IKZF1: variants seen among roughly 807,000 people sequenced by gnomAD.
The protein encoded by IKZF1 is IKAROS family zinc finger 1.
IKZF1 carries 10 observed loss-of-function variants against 51.7 expected under a neutral mutation model. The ratio of observed to expected loss-of-function variants is 0.19; its 90% CI spans 0.12 to 0.33. IKZF1 has a LOEUF of 0.33. Among genes scored for constraint, IKZF1 ranks in the 10% least tolerant of loss-of-function variants. IKZF1 has a pLI of 1.00. For missense variants in IKZF1, 484 were observed against 707.5 expected, an observed-to-expected ratio of 0.68 and a Z score of 3.58; for synonymous variants, 280 against 282.3, an observed-to-expected ratio of 0.99 and a Z score of 0.08.
intron 5 of IKZF1, among the ~76,000 whole-genome samples, chr7:50,386,316 A>G (rs773540926): frequency 6.6e-6 from 1 of 152,264 alleles, no homozygotes; most frequent in East Asian, 1.9e-4. Context: ...CACTAGCCAC[A>G]TGCAGTATTT....
At position 50,400,219 on chromosome 7, in the gene IKZF1, G is replaced by A. The variant is rs1423137944; in HGVS notation, c.1152G>A (p.Ser384=). 1 of 1,594,590 alleles carries A rather than the reference G, an allele frequency of 6.3e-7. No homozygotes were observed. The highest frequency in any genetic ancestry group is 8.5e-7 in the Non-Finnish European group (1 of 1,171,634). ...LLLSKAKLVP[S]EREASPSNSC... The stretch of plus-strand genomic sequence containing the variant: ...TCTCCAAGGCCAAGTTGGTGCCCTC[G>A]GAGCGCGAGGCGTCCCCGAGCAACA... Residue 384 remains serine (S), a synonymous_variant, in exon 8 of 8, where the codon TCG becomes TCA. Transcript: ENST00000331340. This position sits in a 1 kb window ranked among gnomAD's most constrained non-coding sequence, Gnocchi z 5.4.
intron 3 of IKZF1, among the ~76,000 whole-genome samples, chr7:50,330,370 T>C (rs1796184993): frequency 3.3e-5 from 5 of 152,188 alleles, no homozygotes; most frequent in Admixed American, 3.3e-4. Context: ...TTTGGGAGAT[T>C]GAATGCTCCT....
In IKZF1 at chr7:50,327,736, T is replaced by G; in HGVS notation, c.139T>G (p.Ser47Ala). 1.2e-6 allele frequency: 2 copies of G among 1,613,170 alleles called. No homozygotes were observed. Among genetic ancestry groups the G allele is most frequent in the African/African-American group, 2.7e-5 (2 of 75,034 alleles). Reference sequence around the variant, plus strand: ...CACCACCTCGGGAGGACAGCAAAGCTCCAAGAGTGACAGAGTCGTGGGTAA... The same window carrying G: ...CACCACCTCGGGAGGACAGCAAAGCGCCAAGAGTGACAGAGTCGTGGGTAA... ...LSTTSGGQQS[S>A]KSDRVVASNV... Residue 47 changes from serine to alanine, a missense_variant, in exon 3 of 8, where the codon TCC becomes GCC. Ser to Ala is a moderately conservative substitution (Grantham distance 99, BLOSUM62 1). Around this residue, in one of 6 missense-constraint regions of IKZF1, gnomAD observed 118 missense variants for 138.4 expected, o/e 0.85. Coordinates refer to ENST00000331340, the MANE Select transcript of IKZF1 (RefSeq NM_006060.6).
chr7:50,311,558 C>T (rs1319151654), intron 1 of IKZF1, among the ~76,000 whole-genome samples: 1 of 152,166 alleles, frequency 6.6e-6, no homozygotes, highest in East Asian at 1.9e-4. Flanking sequence ...AATAATTTTA[C>T]TTCTTTGGGA....
At chr7:50,333,947 A>C (rs905646018) in intron 3 of IKZF1, among the ~76,000 whole-genome samples, 4 of 152,152 alleles carry the variant, frequency 2.6e-5, no homozygotes, top group Non-Finnish European at 2.9e-5. Context: ...CCTTTTTCAA[A>C]TTTCCCAAAC....
At chr7:50,304,046 G>A (rs1189228265), upstream of IKZF1, 1 of 145,354 alleles carries the variant, frequency 6.9e-6, no homozygotes, top group Non-Finnish European at 1.5e-5. Context: ...GTGCGCGCGG[G>A]GGTGGCGGCG....
chr7:50,330,421 A>C (rs972512865), intron 3 of IKZF1, among the ~76,000 whole-genome samples: 1 of 152,188 alleles, frequency 6.6e-6, no homozygotes, highest in African/African-American at 2.4e-5. Flanking sequence ...GTTACTGTAA[A>C]GAAAGCAAAA....
intron 1 of IKZF1, chr7:50,318,270 G>A (rs985477733): frequency 2.6e-5 from 6 of 231,436 alleles, no homozygotes; most frequent in African/African-American, 1.3e-4. Flanking sequence ...TCATCGAAGG[G>A]CAGCATCTTC....
chr7:50,339,626 T>G (rs1798612406), intron 3 of IKZF1, among the ~76,000 whole-genome samples: 1 of 151,952 alleles, frequency 6.6e-6, no homozygotes. Context: ...TGGTGGCGTG[T>G]GCCTGTAGTC....
intron 3 of IKZF1, among the ~76,000 whole-genome samples, chr7:50,340,305 C>T (rs1798776858): frequency 1.3e-5 from 2 of 152,190 alleles, no homozygotes; most frequent in Non-Finnish European, 1.5e-5. Flanking sequence ...GGTGTGTCTC[C>T]GCAAGGCCTG....
intron 3 of IKZF1, among the ~76,000 whole-genome samples, chr7:50,347,131 T>G (rs540549708): frequency 6.6e-6 from 1 of 152,318 alleles, no homozygotes; most frequent in African/African-American, 2.4e-5. Context: ...TTAAGATCTT[T>G]TGGAAATACT....
intron 3 of IKZF1, among the ~76,000 whole-genome samples, chr7:50,360,597 C>T (rs1804908634): frequency 6.6e-6 from 1 of 152,222 alleles, no homozygotes; most frequent in South Asian, 2.1e-4. Context: ...TAACCTGTTG[C>T]TTCTGTAAGA....
intron 4 of IKZF1, among the ~76,000 whole-genome samples, chr7:50,379,416 G>A (rs1047987614): frequency 3.9e-5 from 6 of 152,186 alleles, no homozygotes; most frequent in African/African-American, 1.4e-4. Flanking sequence ...AAGTACCACT[G>A]GCGCCATTTT....
chr7:50,387,016 G>C (rs926069901), intron 5 of IKZF1, among the ~76,000 whole-genome samples: 1 of 152,134 alleles, frequency 6.6e-6, no homozygotes, highest in Non-Finnish European at 1.5e-5. Context: ...CTGTCCAGTC[G>C]CTGGCATCCA....
chr7:50,342,167 T>C (rs1252871030), intron 3 of IKZF1, among the ~76,000 whole-genome samples: 1 of 152,218 alleles, frequency 6.6e-6, no homozygotes, highest in Non-Finnish European at 1.5e-5. Context: ...AAAGAAAATC[T>C]AGGTCCAGTC....
chr7:50,327,482 T>C, intron 2 of IKZF1, 156 bp from the exon 3 acceptor site: 1 of 805,692 alleles, frequency 1.2e-6, no homozygotes, highest in Non-Finnish European at 1.8e-6. Context: ...AGTGACTTTT[T>C]TTATAAAAAG....
Position 50,391,722 on chromosome 7 carries a change from A to T in IKZF1, c.716-7A>T, listed in dbSNP as rs1815125590. 6.2e-7 allele frequency: 1 copy of T among 1,613,658 alleles called. No homozygotes were observed. Among genetic ancestry groups the T allele is most frequent in the African/African-American group, 1.3e-5 (1 of 74,898 alleles). On this transcript the variant is annotated splice_polypyrimidine_tract_variant and splice_region_variant and intron_variant, in intron 6 of 7. Coordinates refer to ENST00000331340, the MANE Select transcript of IKZF1 (RefSeq NM_006060.6). ...TTCTAAACTGGCCTCTCTGTCTTTG[A>T]CTTTAGTCATTAAAGAAGAAACTAA...
chr7:50,387,056 C>T (rs949973375), intron 5 of IKZF1, among the ~76,000 whole-genome samples: 1 of 152,158 alleles, frequency 6.6e-6, no homozygotes, highest in African/African-American at 2.4e-5. Context: ...CTCGTTTTCT[C>T]CAGTTAAAGG....
chr7:50,304,616 G>C (rs1455844970), upstream of IKZF1: 2 of 151,842 alleles, frequency 1.3e-5, no homozygotes, highest in African/African-American at 4.8e-5. Context: ...GCTGGGGGCG[G>C]GGAGTGTGGC....
Sources: gnomAD v4.1 joint callset for allele counts (sites outside exome capture counted in the v4.1 genomes callset) on GRCh38, gnomAD v4.1.1 for gene constraint, gnomAD v4.1.1 regional missense constraint, Gnocchi (gnomAD v3.1) non-coding constraint, MANE v1.5 for transcripts, NCBI Gene and HGNC (gene_info 2026-07-23, HGNC 2026-07-21) for gene names.